Variants in WDTC1 observed in about 807,000 individuals in gnomAD.
The protein encoded by WDTC1 is WD and tetratricopeptide repeats protein 1.
WDTC1 carries 12 observed loss-of-function variants against 76.0 expected under a neutral mutation model. The observed-to-expected ratio is 0.16, with a 90% CI of 0.10 to 0.26. The LOEUF (loss-of-function observed/expected upper bound fraction) is 0.26. Among genes scored for constraint, WDTC1 ranks in the 10% least tolerant of loss-of-function variants. WDTC1 has a pLI of 1.00. For synonymous variants in WDTC1, 326 were observed against 350.8 expected (o/e 0.93, Z 0.79); for missense variants, 511 against 908.8 (o/e 0.56, Z 5.63).
At chr1:27,235,002 G>C (rs1054735064) in intron 1 of WDTC1, 51 bp downstream of exon 1, 38 of 377,588 alleles carry the variant, frequency 1.0e-4, no homozygotes, top group Middle Eastern at 1.3e-3. Flanking sequence ...GGCGGGGACC[G>C]GCTCCCGCAG....
At position 27,234,650 on chromosome 1, in the gene WDTC1, C is replaced by A. The variant is rs1440866622; in HGVS notation, c.-401C>A. 7.6e-6 allele frequency: 3 copies of A among 395,956 alleles called. No individual in the cohort carries two copies. Among genetic ancestry groups the A allele is most frequent in the African/African-American group, 6.2e-5 (3 of 48,478 alleles). The allele number at this position is 395,956 out of a possible 1,614,324, so 24.5% of individuals were successfully genotyped here. A position where few individuals can be genotyped will look rare whatever the true frequency, so the allele number is the denominator to read the frequency against. ...CGTTGCTGGGCTTCTCCTGGGTCCCCAGACAGCTGGAGGAGATAAACAGAG... is the reference window on the plus strand; with the variant it reads ...CGTTGCTGGGCTTCTCCTGGGTCCCAAGACAGCTGGAGGAGATAAACAGAG... On this transcript the variant is annotated 5_prime_UTR_variant, in exon 1 of 16. Coordinates refer to ENST00000319394, the MANE Select transcript of WDTC1 (RefSeq NM_001276252.2).
intron 1 of WDTC1, among the ~76,000 whole-genome samples, chr1:27,237,611 A>G (rs2011516849): frequency 6.6e-6 from 1 of 152,126 alleles, no homozygotes; most frequent in Non-Finnish European, 1.5e-5. Context: ...GCACTTTGGG[A>G]GGCTGAGGTG....
At chr1:27,267,885 T>C (rs2012723866) in intron 3 of WDTC1, among the ~76,000 whole-genome samples, 1 of 152,214 alleles carries the variant, frequency 6.6e-6, no homozygotes. Flanking sequence ...ATGTAGATTA[T>C]TTACAATTTT....
At chr1:27,258,529 C>CAA (rs113977595) in intron 1 of WDTC1, among the ~76,000 whole-genome samples, 5,037 of 122,072 alleles carry the variant, frequency 0.041, 209 homozygotes, top group Middle Eastern at 0.07. Context: ...AAGACTCTGC[C>CAA]AAAAAAAAAA....
chr1:27,296,361 G>C lies in WDTC1; in HGVS notation c.909G>C (p.Pro303=). 1 of 1,613,904 alleles carries C rather than the reference G, an allele frequency of 6.2e-7. No individual in the cohort carries two copies. Among genetic ancestry groups the C allele is most frequent in the Non-Finnish European group, 8.5e-7 (1 of 1,179,994 alleles). ...YLFDLTYKQR[P]YTFLLPRKCH... ...TTGACTTGACTTACAAGCAGCGGCC[G>C]TACACCTTCCTCTTGCCTAGAAAAT... is the stretch of plus-strand genomic sequence containing the variant. Residue 303 remains proline (P), a synonymous_variant, in exon 10 of 16, where the codon CCG becomes CCC. Coordinates refer to ENST00000319394, the MANE Select transcript of WDTC1 (RefSeq NM_001276252.2).
At chr1:27,295,219 G>A (rs1192551379) in intron 9 of WDTC1, among the ~76,000 whole-genome samples, 13 of 152,168 alleles carry the variant, frequency 8.5e-5, no homozygotes, top group Non-Finnish European at 1.6e-4. Context: ...AGACAAGTGG[G>A]AAATATGATC....
intron 1 of WDTC1, among the ~76,000 whole-genome samples, chr1:27,254,917 G>A (rs552905617): frequency 6.6e-5 from 10 of 151,886 alleles, no homozygotes; most frequent in African/African-American, 1.2e-4. Flanking sequence ...GTAAGCCACC[G>A]TGCCTAGCCA....
chr1:27,277,785 A>G (rs546255784), intron 3 of WDTC1, among the ~76,000 whole-genome samples: 23 of 152,100 alleles, frequency 1.5e-4, no homozygotes, highest in African/African-American at 5.3e-4. Flanking sequence ...ATTTTTCAAG[A>G]TTGTTTTGTC....
intron 3 of WDTC1, among the ~76,000 whole-genome samples, chr1:27,269,762 C>G (rs1046411198): frequency 6.6e-6 from 1 of 151,388 alleles, no homozygotes; most frequent in Non-Finnish European, 1.5e-5. Flanking sequence ...CAGGTGTGCA[C>G]CACCACTCCT....
chr1:27,300,748 C>T (rs1297813226), intron 12 of WDTC1, among the ~76,000 whole-genome samples: 2 of 152,132 alleles, frequency 1.3e-5, no homozygotes, highest in Non-Finnish European at 2.9e-5. Context: ...TCAGACCCTG[C>T]GTCCCCAGCC....
intron 6 of WDTC1, 61 bp from the exon 7 acceptor site, chr1:27,292,154 T>C (rs1570980017): frequency 7.1e-7 from 1 of 1,413,978 alleles, no homozygotes; most frequent in Admixed American, 2.7e-5. Context: ...ACTTATCTTT[T>C]CCCCTGCCTT....
intron 10 of WDTC1, among the ~76,000 whole-genome samples, chr1:27,296,804 C>CCCTAGCCCCAGCCCCAGT: frequency 6.7e-6 from 1 of 149,646 alleles, no homozygotes; most frequent in Non-Finnish European, 1.5e-5. Flanking sequence ...CCAGCCCCAG[C>CCCTAGCCCCAGCCCCAGT]CCTAGCCCCA....
chr1:27,264,301 A>G (rs1039662935), intron 3 of WDTC1, among the ~76,000 whole-genome samples: 1 of 152,020 alleles, frequency 6.6e-6, no homozygotes, highest in Non-Finnish European at 1.5e-5. Context: ...AAAGAAAAAA[A>G]TAAAAGAAAG....
chr1:27,267,051 A>G (rs1359216961), intron 3 of WDTC1, among the ~76,000 whole-genome samples: 3 of 152,142 alleles, frequency 2.0e-5, no homozygotes, highest in African/African-American at 7.2e-5. Flanking sequence ...TCCCTATTCA[A>G]CCATGCGATT....
At chr1:27,254,361 T>C (rs1161254703) in intron 1 of WDTC1, among the ~76,000 whole-genome samples, 1 of 151,984 alleles carries the variant, frequency 6.6e-6, no homozygotes, top group Non-Finnish European at 1.5e-5. Context: ...CTTTGGGAAG[T>C]AAAGGCAGGT....
intron 1 of WDTC1, among the ~76,000 whole-genome samples, chr1:27,247,070 T>A (rs1055415697): frequency 1.3e-5 from 2 of 151,864 alleles, no homozygotes; most frequent in Non-Finnish European, 2.9e-5. Context: ...ATTAAACTTT[T>A]TTTTGAGACA....
At chr1:27,296,499 A>G in intron 10 of WDTC1, 98 bp downstream of exon 10, 1 of 1,306,800 alleles carries the variant, frequency 7.7e-7, no homozygotes, top group Non-Finnish European at 1.1e-6. Flanking sequence ...CTGGACCGTG[A>G]TCCTCCAAAA....
chr1:27,234,944 C>T lies in WDTC1; in HGVS notation c.-107C>T. On this transcript the variant is annotated 5_prime_UTR_variant, in exon 1 of 16. Coordinates refer to ENST00000319394, the MANE Select transcript of WDTC1 (RefSeq NM_001276252.2). ...CGCCGCTGCCGGTCGGGGGAAGAGACCTGACAGGTACGGGTCACCGCCGCC... is the reference window on the plus strand; with the variant it reads ...CGCCGCTGCCGGTCGGGGGAAGAGATCTGACAGGTACGGGTCACCGCCGCC... 3 of 392,786 alleles carry T rather than the reference C, an allele frequency of 7.6e-6. No individual in the cohort carries two copies. Among genetic ancestry groups the T allele is most frequent in the Non-Finnish European group, 1.4e-5 (3 of 222,152 alleles). The allele number at this position is 392,786 out of a possible 1,614,324, so 24.3% of individuals were successfully genotyped here.
chr1:27,268,169 G>T (rs1434456112), intron 3 of WDTC1, among the ~76,000 whole-genome samples: 1 of 152,092 alleles, frequency 6.6e-6, no homozygotes, highest in Admixed American at 6.6e-5. Context: ...GGCGAGGCAT[G>T]GTGGCTCACC....
Sources: gnomAD v4.1 joint callset for allele counts (sites outside exome capture counted in the v4.1 genomes callset) on GRCh38, gnomAD v4.1.1 for gene constraint, MANE v1.5 for transcripts, NCBI Gene and HGNC (gene_info 2026-07-23, HGNC 2026-07-21) for gene names.